The following GFRA2 variants were observed in gnomAD, a reference collection of about 807,000 sequenced individuals.
GFRA2 encodes the protein GDNF family receptor alpha 2.
In GFRA2, 17 loss-of-function variants were observed where a neutral mutation model predicts 48.3. The observed-to-expected ratio is 0.35, with a 90% CI of 0.24 to 0.53. The LOEUF (loss-of-function observed/expected upper bound fraction) is 0.53, where lower values mean the gene tolerates loss of function less well. Among genes scored for constraint, GFRA2 ranks in the 20% least tolerant of loss-of-function variants. The pLI, the probability that GFRA2 is intolerant of heterozygous loss-of-function variation, is 0.93. For synonymous variants in GFRA2, 305 were observed against 257.2 expected, an observed-to-expected ratio of 1.19 and a Z score of -1.78; for missense variants, 660 against 637.3, an observed-to-expected ratio of 1.04 and a Z score of -0.38.
intron 4 of GFRA2, among the ~76,000 whole-genome samples, chr8:21,740,966 C>A (rs1346407551): frequency 1.3e-5 from 2 of 152,214 alleles, no homozygotes; most frequent in South Asian, 2.1e-4. Flanking sequence ...TCCACCTGGC[C>A]ACCACCCTGG....
At chr8:21,739,329 G>A (rs1430871923) in intron 4 of GFRA2, among the ~76,000 whole-genome samples, 2 of 152,172 alleles carry the variant, frequency 1.3e-5, no homozygotes, top group African/African-American at 4.8e-5. Context: ...ATGCTGGCAA[G>A]AGGACCTCCA....
In GFRA2 at chr8:21,750,793, G is replaced by C; in HGVS notation, c.589C>G (p.Arg197Gly). The change falls in exon 4 of 9, where the codon CGC becomes GGC. Residue 197 changes from arginine to glycine, a missense_variant. By Grantham distance (125) the Arg-to-Gly change is moderately radical. Coordinates refer to ENST00000524240, the MANE Select transcript of GFRA2 (RefSeq NM_001495.5). This position sits in a 1 kb window ranked among gnomAD's most constrained non-coding sequence, Gnocchi z 5.7. ...REISPTERCNRRKCHKALRQF... is the reference protein window; with the variant it reads ...REISPTERCNGRKCHKALRQF... Reference sequence around the variant, plus strand: ...CGCAGGGCCTTGTGGCACTTGCGGCGGTTGCAGCGCTCGGTGGGCGAGATC... The same window carrying C: ...CGCAGGGCCTTGTGGCACTTGCGGCCGTTGCAGCGCTCGGTGGGCGAGATC... The C allele has an allele frequency of 6.2e-7, 1 of 1,614,040 alleles. No individual in the cohort carries two copies. The highest frequency in any genetic ancestry group is 2.2e-5 in the East Asian group (1 of 44,880).
intron 7 of GFRA2, among the ~76,000 whole-genome samples, chr8:21,700,556 G>C (rs10109407): frequency 0.48 from 73,033 of 152,064 alleles, 19,453 homozygotes; most frequent in African/African-American, 0.71. Context: ...AGGCAGGGTT[G>C]CTGGCCCTTC....
At chr8:21,787,015 C>G (rs1318203297) in intron 1 of GFRA2, among the ~76,000 whole-genome samples, 5 of 152,048 alleles carry the variant, frequency 3.3e-5, no homozygotes, top group African/African-American at 4.8e-5. Flanking sequence ...CACACATACA[C>G]AGTAGTTACC....
chr8:21,749,640 C>T (rs888104062), intron 4 of GFRA2, among the ~76,000 whole-genome samples: 3 of 152,040 alleles, frequency 2.0e-5, no homozygotes, highest in African/African-American at 7.3e-5. Flanking sequence ...TAGGCAGAAA[C>T]TTTCTTCAGA....
At chr8:21,724,974 C>A (rs375114811) in intron 4 of GFRA2, among the ~76,000 whole-genome samples, 136 of 152,344 alleles carry the variant, frequency 8.9e-4, no homozygotes, top group African/African-American at 3.1e-3. Context: ...TGGACACCAG[C>A]ACAATCCTTG....
intron 4 of GFRA2, among the ~76,000 whole-genome samples, chr8:21,707,144 T>C (rs1802788856): frequency 6.6e-6 from 1 of 152,202 alleles, no homozygotes; most frequent in African/African-American, 2.4e-5. Context: ...GGGAACTCAG[T>C]AGGACTTCAG....
chr8:21,750,937 C>A lies in GFRA2; in HGVS notation c.445G>T (p.Gly149Trp), dbSNP rs778704008. 2.5e-6 allele frequency: 4 copies of A among 1,609,862 alleles called. No homozygotes were observed. The Admixed American group carries it at 6.7e-5, about 27-fold the overall frequency. ...FRLASIFSGT[G>W]ADPVVSAKSN... is the part of the protein sequence containing the mutation. ...TTGGCGCTGACCACCGGGTCTGCCCCTGTCCCTGGAGGAGGAACAAGAGAG... is the reference window on the plus strand; with the variant it reads ...TTGGCGCTGACCACCGGGTCTGCCCATGTCCCTGGAGGAGGAACAAGAGAG... The change falls in exon 4 of 9, where the codon GGG (glycine) becomes TGG (tryptophan). Residue 149 changes from glycine (G) to tryptophan (W), a missense_variant. Transcript: ENST00000524240. The surrounding 1 kb of genome is among the most constrained non-coding windows in gnomAD (Gnocchi z 5.7).
At chr8:21,767,112 TCACA>T (rs1806201979) in intron 3 of GFRA2, among the ~76,000 whole-genome samples, 1 of 85,380 alleles carries the variant, frequency 1.2e-5, no homozygotes, top group African/African-American at 4.3e-5. Flanking sequence ...CCACCATACA[TCACA>T]TACACACACA....
At chr8:21,737,547 T>C (rs542760222) in intron 4 of GFRA2, among the ~76,000 whole-genome samples, 124 of 151,988 alleles carry the variant, frequency 8.2e-4, no homozygotes, top group African/African-American at 2.9e-3. Context: ...CTGTTCAGTG[T>C]CTTCCAGGAC....
rs1315032013 is a variant in GFRA2, at chr8:21,782,739, G to C, written c.201C>G (p.Arg67=). 2 of 1,597,326 alleles carry C rather than the reference G, an allele frequency of 1.3e-6. No homozygotes were observed. Among genetic ancestry groups the C allele is most frequent in the Non-Finnish European group, 8.5e-7 (1 of 1,173,054 alleles). Reference sequence around the variant, plus strand: ...TGTTGGCCAGCATGGTGTTGCGGTCGCGGCCTGCCAGGCACTGCCGCAGAG... The same window carrying C: ...TGTTGGCCAGCATGGTGTTGCGGTCCCGGCCTGCCAGGCACTGCCGCAGAG... ...YRTLRQCLAG[R]DRNTMLANKE... The change falls in exon 2 of 9, where the codon CGC becomes CGG. Residue 67 remains arginine, a synonymous_variant. Coordinates refer to ENST00000524240, the MANE Select transcript of GFRA2 (RefSeq NM_001495.5).
intron 4 of GFRA2, among the ~76,000 whole-genome samples, chr8:21,728,267 T>G (rs1297571441): frequency 1.0e-5 from 1 of 96,770 alleles, no homozygotes; most frequent in Non-Finnish European, 2.2e-5. Context: ...GGAACCAGGT[T>G]TTTTTTTTTT....
In GFRA2 at chr8:21,784,320, G is replaced by C; in HGVS notation, c.41-1421C>G. 3 of 456,258 alleles carry C rather than the reference G, an allele frequency of 6.6e-6. No homozygotes were observed. In the Admixed American group the frequency reaches 7.0e-5, roughly 11 times the overall value. 28.3% of individuals were successfully genotyped at this position (456,258 alleles called of 1,614,324 possible). ...CAGGAAAAGCCCGCACCATGGCCCA[G>C]AGCCATGACTGCCCTTTCCTGGACC... On this transcript the variant is annotated intron_variant, in intron 1 of 8. Transcript: ENST00000524240.
intron 4 of GFRA2, among the ~76,000 whole-genome samples, chr8:21,714,930 T>C (rs1803259870): frequency 2.0e-5 from 3 of 152,204 alleles, no homozygotes; most frequent in Admixed American, 2.0e-4. Flanking sequence ...AGACAATTTA[T>C]GGAAACGTGG....
In GFRA2 at chr8:21,694,490, T is replaced by C; in HGVS notation, c.1246A>G (p.Lys416Glu). 1.2e-6 allele frequency: 2 copies of C among 1,612,316 alleles called. No individual in the cohort carries two copies. The highest frequency in any genetic ancestry group is 2.2e-5 in the East Asian group (1 of 44,850). ...TCTGTGAAGCACATGCTTAACTCTTTGGAGTTGTTGGCCTTCAGCCCCTGC... is the reference window on the plus strand; with the variant it reads ...TCTGTGAAGCACATGCTTAACTCTTCGGAGTTGTTGGCCTTCAGCCCCTGC... Reference protein sequence around the residue: ...QEQGLKANNSKELSMCFTELT... With the variant: ...QEQGLKANNSEELSMCFTELT... The change falls in exon 8 of 9, where the codon AAA (lysine) becomes GAA (glutamate). Residue 416 changes from lysine (K) to glutamate (E), a missense_variant. Physicochemically the swap from Lys to Glu is moderately conservative, Grantham distance 56. Transcript: ENST00000524240.
chr8:21,770,038 C>T (rs905689845), intron 3 of GFRA2, among the ~76,000 whole-genome samples: 2 of 152,192 alleles, frequency 1.3e-5, no homozygotes, highest in Non-Finnish European at 1.5e-5. Flanking sequence ...TGAGGCCAGG[C>T]CGCTCACCAG....
At chr8:21,726,918 A>C (rs1022507488) in intron 4 of GFRA2, among the ~76,000 whole-genome samples, 1 of 151,758 alleles carries the variant, frequency 6.6e-6, no homozygotes, top group Non-Finnish European at 1.5e-5. Flanking sequence ...ACACCCGGCT[A>C]ATTTTGTATT....
intron 1 of GFRA2, 93 bp downstream of exon 1, chr8:21,788,027 G>GCCC: frequency 3.5e-6 from 2 of 573,758 alleles, no homozygotes; most frequent in Non-Finnish European, 2.8e-6. Flanking sequence ...TCTCCCCGCC[G>GCCC]ACCTCCCGCC....
chr8:21,701,165 C>T (rs577982103), intron 7 of GFRA2, among the ~76,000 whole-genome samples: 4 of 152,200 alleles, frequency 2.6e-5, no homozygotes, highest in South Asian at 2.1e-4. Flanking sequence ...GAGGCCGAGG[C>T]GGGTGGATCA....
Sources: gnomAD v4.1 joint callset for allele counts (sites outside exome capture counted in the v4.1 genomes callset) on GRCh38, gnomAD v4.1.1 for gene constraint, Gnocchi (gnomAD v3.1) non-coding constraint, MANE v1.5 for transcripts, NCBI Gene and HGNC (gene_info 2026-07-23, HGNC 2026-07-21) for gene names.